The following GNAO1 variants were observed in gnomAD, a reference collection of about 807,000 sequenced individuals.
GNAO1 encodes guanine nucleotide-binding protein G(o) subunit alpha.
For synonymous variants in GNAO1, 164 were observed against 180.7 expected, an observed-to-expected ratio of 0.91 and a Z score of 0.74; for missense variants, 166 against 478.7, an observed-to-expected ratio of 0.35 and a Z score of 6.10.
At chr16:56,243,824 T>C (rs1403779465) in intron 2 of GNAO1, among the ~76,000 whole-genome samples, 1 of 152,208 alleles carries the variant, frequency 6.6e-6, no homozygotes, top group African/African-American at 2.4e-5. Context: ...AGTGAAGCTG[T>C]TGAAAACATT....
rs1414653675 is a variant in GNAO1, at chr16:56,191,503, C to G, written c.-733C>G. The G allele has an allele frequency of 6.6e-6, 1 of 152,090 alleles. No individual in the cohort carries two copies. The highest frequency in any genetic ancestry group is 2.4e-5 in the African/African-American group (1 of 41,348). 9.4% of individuals were successfully genotyped at this position (152,090 alleles called of 1,614,324 possible). ...CCTGCCTCTCTCTCTCTCCCTCTCC[C>G]TCGAGCTCCCGGCTGGCTGCGGCTC... is the stretch of plus-strand genomic sequence containing the variant. On this transcript the variant is annotated 5_prime_UTR_variant, in exon 1 of 9. Transcript: ENST00000262493. This position sits in a 1 kb window ranked among gnomAD's most constrained non-coding sequence, Gnocchi z 4.7.
chr16:56,312,410 A>G (rs1359447612), intron 3 of GNAO1, among the ~76,000 whole-genome samples: 1 of 152,198 alleles, frequency 6.6e-6, no homozygotes, highest in Non-Finnish European at 1.5e-5. Context: ...TCTCTTTGAC[A>G]CCAGGCCCCT....
chr16:56,211,747 G>A (rs755515939), intron 2 of GNAO1, among the ~76,000 whole-genome samples: 7 of 152,142 alleles, frequency 4.6e-5, no homozygotes, highest in Non-Finnish European at 8.8e-5. Flanking sequence ...ATTTATGGTC[G>A]CAGTGCTTCC....
chr16:56,307,175 G>A (rs148563021), intron 3 of GNAO1: 3 of 152,306 alleles, frequency 2.0e-5, no homozygotes, highest in African/African-American at 7.2e-5. Context: ...CCCTCCCCAG[G>A]AGGGGGCTGC....
At chr16:56,344,651 GAGGGAGAGATGGGAGGTGCGGGGA>G (rs558101980) in intron 6 of GNAO1, 2 of 985,770 alleles carry the variant, frequency 2.0e-6, no homozygotes, top group East Asian at 1.1e-4. Flanking sequence ...GGAGCGGGGG[GAGGGAGAGATGGGAGGTGCGGGGA>G]AGGGAGGTGG....
chr16:56,192,491 C>T (rs1489394167), intron 1 of GNAO1, 83 bp from the exon 2 acceptor site: 5 of 913,958 alleles, frequency 5.5e-6, no homozygotes, highest in Non-Finnish European at 9.1e-6. Flanking sequence ...TCGCCCACCC[C>T]CTCGCATGCC....
At chr16:56,303,286 G>C (rs2037362514) in intron 3 of GNAO1, among the ~76,000 whole-genome samples, 1 of 152,230 alleles carries the variant, frequency 6.6e-6, no homozygotes, top group Non-Finnish European at 1.5e-5. Context: ...TTGTTTTCCA[G>C]ATGGACACTT....
intron 2 of GNAO1, among the ~76,000 whole-genome samples, chr16:56,256,576 G>A (rs895420540): frequency 2.0e-5 from 3 of 152,200 alleles, no homozygotes; most frequent in East Asian, 1.9e-4. Context: ...GGATTGAACA[G>A]ATAGGTTAGA....
Position 56,263,742 on chromosome 16 carries a change from A to G in GNAO1, c.162-12189A>G, listed in dbSNP as rs571394117. Among the ~76,000 whole-genome samples, 13 of 152,314 alleles carry G rather than the reference A, an allele frequency of 8.5e-5. No homozygotes were observed. The South Asian group carries it at 2.7e-3, about 32-fold the overall frequency. On this transcript the variant is annotated intron_variant, in intron 2 of 8. Transcript: ENST00000262493. ...GATGTAGACGTAGACATAGACATAG[A>G]TATGACCGTGACCCTTGGTCAACCT... is the stretch of plus-strand genomic sequence containing the variant.
chr16:56,229,549 C>T (rs1297015498), intron 2 of GNAO1, among the ~76,000 whole-genome samples: 6 of 151,710 alleles, frequency 4.0e-5, no homozygotes, highest in Non-Finnish European at 5.9e-5. Context: ...GTACTGGGGA[C>T]CAGGAGCTAT....
rs1168658716 is a variant in GNAO1, at chr16:56,357,444, A to T, written c.*1370A>T. ...TCAATAAAAGAGAATGTTTGTCTGT[A>T]CTCCTGAGTCTCACCCTGTGCCTTC... On this transcript the variant is annotated 3_prime_UTR_variant, in exon 9 of 9. Coordinates refer to ENST00000262493, the MANE Select transcript of GNAO1 (RefSeq NM_020988.3). 1.3e-5 allele frequency: 2 copies of T among 152,132 alleles called. No individual in the cohort carries two copies. The highest frequency in any genetic ancestry group is 2.9e-5 in the Non-Finnish European group (2 of 68,032). 9.4% of individuals were successfully genotyped at this position (152,132 alleles called of 1,614,324 possible).
chr16:56,200,567 G>A lies in GNAO1; in HGVS notation c.161+7951G>A, dbSNP rs2036273820. 2.6e-5 allele frequency among the ~76,000 whole-genome samples: 4 copies of A among 152,220 alleles called. No homozygotes were observed. The South Asian group carries it at 8.3e-4, about 32-fold the overall frequency. ...CTCAAGGCCACACAGCTTAGTAGGT[G>A]ACAGTGTTGTATTCAGACAATGATT... is the stretch of plus-strand genomic sequence containing the variant. On this transcript the variant is annotated intron_variant, in intron 2 of 8. Transcript: ENST00000262493.
intron 3 of GNAO1, chr16:56,301,795 T>C (rs1484826190): frequency 1.3e-5 from 2 of 152,140 alleles, no homozygotes; most frequent in African/African-American, 4.8e-5. Flanking sequence ...TCATGTTGAA[T>C]TGTTACTATT....
At chr16:56,256,284 C>T (rs1433507290) in intron 2 of GNAO1, among the ~76,000 whole-genome samples, 1 of 152,188 alleles carries the variant, frequency 6.6e-6, no homozygotes, top group Non-Finnish European at 1.5e-5. Flanking sequence ...GGGGTTGCAG[C>T]CCACTGGTTC....
chr16:56,328,854 G>A (rs2037661856), intron 4 of GNAO1, 63 bp downstream of exon 4: 1 of 1,535,130 alleles, frequency 6.5e-7, no homozygotes, highest in Non-Finnish European at 9.0e-7. Context: ...GAAGGGACTG[G>A]TGATGGGGAT....
rs2037916103 is a variant in GNAO1 at position 56,351,010 on chromosome 16, C to CACAT, written c.724-372_724-369dup. ...ACATGCACACGAACACACACAGGCA[C>CACAT]ACATAACAGGTGCATGCACACACAC... On this transcript the variant is annotated intron_variant, in intron 6 of 8. Transcript: ENST00000262493. The surrounding 1 kb of genome is among the most constrained non-coding windows in gnomAD (Gnocchi z 6.1). Among the ~76,000 whole-genome samples the CACAT allele has an allele frequency of 2.0e-5, 3 of 151,988 alleles. No individual in the cohort carries two copies. The South Asian group carries it at 6.2e-4, about 32-fold the overall frequency.
At chr16:56,344,359 T>G (rs372465687) in intron 6 of GNAO1, 2 of 1,040,866 alleles carry the variant, frequency 1.9e-6, no homozygotes, top group East Asian at 1.5e-4. Flanking sequence ...GCTGGCAGGG[T>G]GGGGTCATAG....
intron 2 of GNAO1, among the ~76,000 whole-genome samples, chr16:56,253,945 G>A (rs529943334): frequency 5.3e-5 from 8 of 152,252 alleles, no homozygotes; most frequent in African/African-American, 1.7e-4. Flanking sequence ...TGTACACGGG[G>A]CATTTTTTAT....
At chr16:56,295,287 T>C (rs2037274931) in intron 3 of GNAO1, among the ~76,000 whole-genome samples, 1 of 152,182 alleles carries the variant, frequency 6.6e-6, no homozygotes, top group East Asian at 1.9e-4. Flanking sequence ...TGGGTCCAAG[T>C]CCCAGCTCCG....
Sources: gnomAD v4.1 joint callset for allele counts (sites outside exome capture counted in the v4.1 genomes callset) on GRCh38, gnomAD v4.1.1 for gene constraint, Gnocchi (gnomAD v3.1) non-coding constraint, MANE v1.5 for transcripts, NCBI Gene and HGNC (gene_info 2026-07-23, HGNC 2026-07-21) for gene names.